Variants in NUMA1 observed in about 807,000 individuals in gnomAD.
NUMA1 encodes the protein SP-H antigen.
A neutral mutation model predicts 237.1 loss-of-function variants in NUMA1; 62 were observed. That is an observed-to-expected ratio of 0.26 (90% confidence interval 0.21 to 0.32). The LOEUF is 0.32. NUMA1 is among the 10% of genes least tolerant of loss of function. NUMA1 has a pLI of 1.00. For missense variants in NUMA1, 2,533 were observed against 2,666.5 expected (o/e 0.95, Z 1.10); for synonymous variants, 1,028 against 1,066.1 (o/e 0.96, Z 0.70).
rs1424301276 is a variant in NUMA1, at chr11:72,015,593, G to A, written c.1910C>T (p.Ser637Leu). The change falls in exon 15 of 27, where the codon TCA (serine) becomes TTA (leucine). Residue 637 changes from serine to leucine, a missense_variant. Ser to Leu is a moderately radical substitution (Grantham distance 145). Around this residue, in one of 3 missense-constraint regions of NUMA1, gnomAD observed 1,414 missense variants for 1,508.1 expected, o/e 0.94. Transcript: ENST00000393695. This position sits in a 1 kb window ranked among gnomAD's most constrained non-coding sequence, Gnocchi z 4.0. Reference sequence around the variant, plus strand: ...CTTCTCCCGCTGGGCCTGTGTCACTGAGGTCTGGGCACTGTCCCGGGCTTC... The same window carrying A: ...CTTCTCCCGCTGGGCCTGTGTCACTAAGGTCTGGGCACTGTCCCGGGCTTC... ...ANEARDSAQT[S>L]VTQAQREKAE... 3 of 1,613,536 alleles carry A rather than the reference G, an allele frequency of 1.9e-6. No homozygotes were observed. In the African/African-American group the frequency reaches 4.0e-5, roughly 22 times the overall value.
chr11:72,040,131 T>A (rs1301744609), intron 2 of NUMA1, among the ~76,000 whole-genome samples: 1 of 152,142 alleles, frequency 6.6e-6, no homozygotes, highest in Non-Finnish European at 1.5e-5. Flanking sequence ...TCCAAAGAGT[T>A]TCCTGAGGTC....
chr11:72,032,157 T>C (rs967910893), intron 3 of NUMA1, among the ~76,000 whole-genome samples: 6 of 152,040 alleles, frequency 3.9e-5, no homozygotes, highest in Admixed American at 3.9e-4. Flanking sequence ...CAAGACCCTA[T>C]CTCAAAAAGC....
chr11:72,058,692 G>A (rs1238284613), intron 2 of NUMA1, among the ~76,000 whole-genome samples: 1 of 152,232 alleles, frequency 6.6e-6, no homozygotes, highest in Non-Finnish European at 1.5e-5. Context: ...GGTCCAGTGT[G>A]ATGACAGAGA....
At chr11:72,030,402 C>G (rs2135545233) in intron 3 of NUMA1, among the ~76,000 whole-genome samples, 1 of 151,924 alleles carries the variant, frequency 6.6e-6, no homozygotes, top group Non-Finnish European at 1.5e-5. Flanking sequence ...AGAATAGGAG[C>G]TGGGAATTTC....
chr11:72,019,011 T>C (rs770996951), intron 9 of NUMA1, 31 bp from the exon 10 acceptor site: 9 of 1,610,702 alleles, frequency 5.6e-6, no homozygotes, highest in Middle Eastern at 1.7e-4. Context: ...TATGCATTGG[T>C]AAGCGCCTAA....
At chr11:72,010,734 A>G (rs1444324084) in intron 17 of NUMA1, 52 bp downstream of exon 17, 1 of 1,575,790 alleles carries the variant, frequency 6.3e-7, no homozygotes, top group Non-Finnish European at 8.7e-7. Context: ...AGCTTAGAGA[A>G]TAGCTTCCCT....
chr11:72,008,067 G>A (rs1955867190), intron 20 of NUMA1: 1 of 473,936 alleles, frequency 2.1e-6, no homozygotes. Flanking sequence ...AGATTCATCT[G>A]TTAAAGGAGA....
Position 72,009,588 on chromosome 11 carries a change from C to T in NUMA1, c.4720-201G>A, listed in dbSNP as rs192913102. On this transcript the variant is annotated intron_variant, in intron 17 of 26. Coordinates refer to ENST00000393695, the MANE Select transcript of NUMA1 (RefSeq NM_006185.4). ...GCCCACATGCCCTTCAGTCCACATC[C>T]GTAGTGGCCTTTCCCTGACCAGCTC... Among the ~76,000 whole-genome samples the T allele has an allele frequency of 1.1e-4, 17 of 152,356 alleles. No individual in the cohort carries two copies. The East Asian group carries it at 3.1e-3, about 28-fold the overall frequency.
rs1470302724 is a variant in NUMA1 at position 72,018,031 on chromosome 11, T to G, written c.978+152A>C. On this transcript the variant is annotated intron_variant, in intron 12 of 26. Transcript: ENST00000393695. ...CCAGTACCCGGGAAGCCGCCAATTA[T>G]GGGATAAGGAAAGGGGCAAAATATG... The G allele has an allele frequency of 3.2e-6, 3 of 934,354 alleles. No homozygotes were observed. The East Asian group carries it at 7.5e-5, about 23-fold the overall frequency. 57.9% of individuals were successfully genotyped at this position (934,354 alleles called of 1,614,324 possible). A position where few individuals can be genotyped will look rare whatever the true frequency, so the allele number is the denominator to read the frequency against.
At chr11:72,034,629 AC>A (rs937867264) in intron 3 of NUMA1, among the ~76,000 whole-genome samples, 1 of 151,514 alleles carries the variant, frequency 6.6e-6, no homozygotes, top group Non-Finnish European at 1.5e-5. Flanking sequence ...AATTGCTTGA[AC>A]CCAGGAGGCA....
chr11:72,074,475 GGT>G (rs1214713985), intron 1 of NUMA1, among the ~76,000 whole-genome samples: 1 of 152,198 alleles, frequency 6.6e-6, no homozygotes, highest in East Asian at 1.9e-4. Flanking sequence ...GACCAGGCTG[GGT>G]GTGGTGGTTT....
chr11:72,029,994 A>T (rs1338597729), intron 3 of NUMA1, among the ~76,000 whole-genome samples: 1 of 152,118 alleles, frequency 6.6e-6, no homozygotes, highest in Admixed American at 6.6e-5. Flanking sequence ...GCTTTGGCTG[A>T]GGGGAGAAGG....
chr11:72,010,118 C>G lies in NUMA1; in HGVS notation c.4719+668G>C, dbSNP rs1956047731. 2.0e-5 allele frequency among the ~76,000 whole-genome samples: 3 copies of G among 152,226 alleles called. No individual in the cohort carries two copies. In the South Asian group the frequency reaches 6.2e-4, roughly 31 times the overall value. On this transcript the variant is annotated intron_variant, in intron 17 of 26. Transcript: ENST00000393695. ...ATTTGTTTATTGCAATCAAGACATG[C>G]TGTGGCACCATGGTATGAAGGTGAG...
chr11:72,049,965 C>CA (rs897121215), intron 2 of NUMA1, among the ~76,000 whole-genome samples: 25 of 151,656 alleles, frequency 1.6e-4, no homozygotes, highest in East Asian at 1.2e-3. Flanking sequence ...GGTGTTCTTT[C>CA]AAAAAAAATA....
intron 8 of NUMA1, among the ~76,000 whole-genome samples, chr11:72,020,092 G>A (rs976641887): frequency 5.3e-5 from 8 of 152,178 alleles, no homozygotes; most frequent in African/African-American, 9.6e-5. Flanking sequence ...CGTGGTTTCC[G>A]TGACCCCTTT....
chr11:72,034,657 G>A (rs1215013835), intron 3 of NUMA1, among the ~76,000 whole-genome samples: 2 of 151,660 alleles, frequency 1.3e-5, no homozygotes, highest in Non-Finnish European at 2.9e-5. Context: ...GCAGTGAGCC[G>A]AGATCACGCC....
intron 2 of NUMA1, among the ~76,000 whole-genome samples, chr11:72,069,579 T>A (rs1047426706): frequency 9.2e-5 from 14 of 152,312 alleles, no homozygotes; most frequent in African/African-American, 2.9e-4. Context: ...ATGTTTAGTG[T>A]CTGGCTCACA....
chr11:72,010,993 C>T (rs969190021), intron 16 of NUMA1, 139 bp from the exon 17 acceptor site: 4 of 769,980 alleles, frequency 5.2e-6, no homozygotes, highest in East Asian at 2.5e-5. Flanking sequence ...CTCTGGCCTC[C>T]AATTACGGAA....
intron 2 of NUMA1, among the ~76,000 whole-genome samples, chr11:72,052,515 C>T (rs1043708607): frequency 2.6e-5 from 4 of 152,078 alleles, no homozygotes; most frequent in African/African-American, 9.7e-5. Context: ...CGCCTGTAAT[C>T]CCAGCACTTT....
Sources: allele counts gnomAD v4.1 joint callset (sites outside exome capture counted in the v4.1 genomes callset), GRCh38; gene constraint gnomAD v4.1.1; regional missense constraint gnomAD v4.1.1; non-coding constraint Gnocchi (gnomAD v3.1); transcripts MANE v1.5; gene names NCBI Gene and HGNC (gene_info 2026-07-23, HGNC 2026-07-21).